The following SH3BP2 variants were observed in gnomAD, a reference collection of about 807,000 sequenced individuals.
The protein encoded by SH3BP2 is SH3 domain-binding protein 2.
SH3BP2 carries 38 observed loss-of-function variants against 56.2 expected under a neutral mutation model. The observed-to-expected ratio is 0.68, with a 90% CI of 0.52 to 0.89. The LOEUF is 0.89. SH3BP2 is among the 40% of genes least tolerant of loss of function. The pLI is 0.00. For synonymous variants in SH3BP2, 346 were observed against 316.7 expected (o/e 1.09, Z -0.98); for missense variants, 748 against 762.6 (o/e 0.98, Z 0.23).
chr4:2,794,563 G>GCGT (rs1274006680), intron 1 of SH3BP2, among the ~76,000 whole-genome samples: 14 of 152,306 alleles, frequency 9.2e-5, no homozygotes, highest in Admixed American at 3.9e-4. Flanking sequence ...TCTGTGCCCT[G>GCGT]CGTTAGGCAC....
At chr4:2,807,770 C>T (rs951569166) in intron 1 of SH3BP2, among the ~76,000 whole-genome samples, 39 of 152,120 alleles carry the variant, frequency 2.6e-4, no homozygotes, top group Admixed American at 9.2e-4. Context: ...AAGGGGTGAA[C>T]GCGAGGCCAG....
At position 2,827,712 on chromosome 4, in the gene SH3BP2, G is replaced by A. The variant is rs373933111; in HGVS notation, c.586+38G>A. Reference sequence around the variant, plus strand: ...GGTGGGCCCGGGGAGCTCTGGGTGTGTAGGAAGCAGGGGCTGGGACCGGGA... The same window carrying A: ...GGTGGGCCCGGGGAGCTCTGGGTGTATAGGAAGCAGGGGCTGGGACCGGGA... On this transcript the variant is annotated intron_variant, in intron 7 of 12. Coordinates refer to ENST00000503393, the MANE Select transcript of SH3BP2 (RefSeq NM_001122681.2). 66 of 1,477,788 alleles carry A rather than the reference G, an allele frequency of 4.5e-5. 1 individual carries two copies. In the African/African-American group the frequency reaches 5.9e-4, roughly 13 times the overall value. 91.5% of individuals were successfully genotyped at this position (1,477,788 alleles called of 1,614,324 possible). A position where few individuals can be genotyped will look rare whatever the true frequency, so the allele number is the denominator to read the frequency against.
chr4:2,813,524 C>T (rs1318716779), intron 1 of SH3BP2, among the ~76,000 whole-genome samples: 1 of 152,120 alleles, frequency 6.6e-6, no homozygotes, highest in African/African-American at 2.4e-5. Context: ...TCAGGTGGAC[C>T]CTGGTCGATT....
chr4:2,820,741 C>T lies in SH3BP2; in HGVS notation c.124C>T (p.Gln42Ter). The T allele has an allele frequency of 6.2e-7, 1 of 1,613,620 alleles. No individual in the cohort carries two copies. The highest frequency in any genetic ancestry group is 1.1e-5 in the South Asian group (1 of 91,064). Reference protein sequence around the residue: ...YLHKKGGTQLQLLKWPLRFVI... With the variant: ...YLHKKGGTQL Reference sequence around the variant, plus strand: ...GCACAAGAAGGGCGGTACCCAGCTGCAGCTGCTGAAATGTGAGTCCCTGGG... The same window carrying T: ...GCACAAGAAGGGCGGTACCCAGCTGTAGCTGCTGAAATGTGAGTCCCTGGG... Residue 42 changes from glutamine (Q) to a stop codon, truncating the protein, a stop_gained, in exon 2 of 13, where the codon CAG (glutamine) becomes TAG (stop). Transcript: ENST00000503393. LOFTEE classifies it high-confidence loss of function.
chr4:2,811,557 T>C (rs1183625976), intron 1 of SH3BP2, among the ~76,000 whole-genome samples: 1 of 152,088 alleles, frequency 6.6e-6, no homozygotes, highest in East Asian at 1.9e-4. Flanking sequence ...CTGGGCTTGG[T>C]GGGGGCAGAG....
chr4:2,819,932 G>A lies in SH3BP2; in HGVS notation c.-4-682G>A, dbSNP rs1201452023. 2.0e-5 allele frequency among the ~76,000 whole-genome samples: 3 copies of A among 152,174 alleles called. No individual in the cohort carries two copies. The East Asian group carries it at 5.8e-4, about 29-fold the overall frequency. On this transcript the variant is annotated intron_variant, in intron 1 of 12. Transcript: ENST00000503393. ...TGGGTTAGCCCCAAGGCAGTCACTGGTCCTCCACTGACTGTGTGGTCCTCG... is the reference window on the plus strand; with the variant it reads ...TGGGTTAGCCCCAAGGCAGTCACTGATCCTCCACTGACTGTGTGGTCCTCG...
At chr4:2,821,013 C>T (rs1724275939) in intron 2 of SH3BP2, among the ~76,000 whole-genome samples, 1 of 152,156 alleles carries the variant, frequency 6.6e-6, no homozygotes, top group South Asian at 2.1e-4. Flanking sequence ...GACCTGGGGA[C>T]CACAGGTGGC....
At chr4:2,826,694 CTGTG>C (rs374653238) in intron 5 of SH3BP2, 14 of 336,722 alleles carry the variant, frequency 4.2e-5, no homozygotes, top group Admixed American at 2.1e-4. Flanking sequence ...TCATGTTGCT[CTGTG>C]TGTGTGTGCA....
At chr4:2,805,380 C>G (rs180862439) in intron 1 of SH3BP2, among the ~76,000 whole-genome samples, 1 of 152,222 alleles carries the variant, frequency 6.6e-6, no homozygotes, top group Non-Finnish European at 1.5e-5. Context: ...TGCCCCCCTC[C>G]TGCAGCCAGG....
chr4:2,828,154 C>T (rs768411965), intron 7 of SH3BP2, among the ~76,000 whole-genome samples: 19 of 152,070 alleles, frequency 1.2e-4, no homozygotes, highest in Non-Finnish European at 2.1e-4. Flanking sequence ...GACGGAAGCA[C>T]GAGCTGGGTG....
intron 5 of SH3BP2, chr4:2,826,905 G>GTA (rs1560108588): frequency 2.0e-5 from 11 of 546,512 alleles, no homozygotes; most frequent in Non-Finnish European, 3.9e-5. Context: ...GTGTCTTTGT[G>GTA]TATATATATC....
chr4:2,799,242 C>CG, intron 1 of SH3BP2: 1 of 985,474 alleles, frequency 1.0e-6, no homozygotes, highest in Non-Finnish European at 1.2e-6. Flanking sequence ...GCCTTCCCCT[C>CG]GGGACCCTCA....
chr4:2,817,989 C>T (rs147593146), intron 1 of SH3BP2: 263 of 153,472 alleles, frequency 1.7e-3, no homozygotes, highest in Non-Finnish European at 2.8e-3. Flanking sequence ...TCGTTTGCAT[C>T]GAAGGCTTCT....
chr4:2,832,866 C>T (rs1285169506), intron 11 of SH3BP2, 124 bp from the exon 12 acceptor site: 15 of 973,682 alleles, frequency 1.5e-5, no homozygotes, highest in Admixed American at 3.4e-5. Flanking sequence ...AGTCCCTCCC[C>T]GCCCCCCGAG....
At chr4:2,803,560 C>T (rs1363911381) in intron 1 of SH3BP2, among the ~76,000 whole-genome samples, 1 of 152,160 alleles carries the variant, frequency 6.6e-6, no homozygotes, top group Non-Finnish European at 1.5e-5. Flanking sequence ...CTTAAGGGAC[C>T]AAGGCTGGGA....
chr4:2,827,904 G>A (rs1724761474), intron 7 of SH3BP2, among the ~76,000 whole-genome samples: 1 of 152,198 alleles, frequency 6.6e-6, no homozygotes, highest in Non-Finnish European at 1.5e-5. Context: ...ACAGGCACAT[G>A]GCGATAAGTG....
At chr4:2,818,409 C>G in intron 1 of SH3BP2, 1 of 1,154,366 alleles carries the variant, frequency 8.7e-7, no homozygotes, top group Non-Finnish European at 1.1e-6. Context: ...CGAGCCCCGG[C>G]CCCCGAGCCC....
At position 2,833,866 on chromosome 4, in the gene SH3BP2, G is replaced by C. The variant is rs1194787745; in HGVS notation, c.*32G>C. Reference sequence around the variant, plus strand: ...TCCATGTGGCTGCCAGGCCAAGGCAGTCACAGGGGCCCTGACCCCAGGCCA... The same window carrying C: ...TCCATGTGGCTGCCAGGCCAAGGCACTCACAGGGGCCCTGACCCCAGGCCA... On this transcript the variant is annotated 3_prime_UTR_variant, in exon 13 of 13. Coordinates refer to ENST00000503393, the MANE Select transcript of SH3BP2 (RefSeq NM_001122681.2). 1 of 1,539,608 alleles carries C rather than the reference G, an allele frequency of 6.5e-7. No homozygotes were observed.
intron 1 of SH3BP2, among the ~76,000 whole-genome samples, chr4:2,814,519 C>T (rs1723908081): frequency 6.6e-6 from 1 of 152,228 alleles, no homozygotes; most frequent in Admixed American, 6.5e-5. Flanking sequence ...CACACACGCA[C>T]ACACGCACAA....
Sources: allele counts gnomAD v4.1 joint callset (sites outside exome capture counted in the v4.1 genomes callset), GRCh38; gene constraint gnomAD v4.1.1; transcripts MANE v1.5; gene names NCBI Gene and HGNC (gene_info 2026-07-23, HGNC 2026-07-21).